The following MFN2 variants were observed in gnomAD, a reference collection of about 807,000 sequenced individuals.
MFN2 encodes the protein mitofusin 2.
MFN2 carries 43 observed loss-of-function variants against 87.5 expected under a neutral mutation model. The observed-to-expected ratio is 0.49, with a 90% confidence interval of 0.38 to 0.63. The LOEUF (loss-of-function observed/expected upper bound fraction) is 0.63, where lower values mean the gene tolerates loss of function less well. Among genes scored for constraint, MFN2 ranks in the 30% least tolerant of loss-of-function variants. The probability of loss-of-function intolerance (pLI) is 0.00; values close to 1 mark genes in which losing one functional copy is unlikely to be tolerated. For missense variants in MFN2, 743 were observed against 972.8 expected (o/e 0.76, Z 3.14); for synonymous variants, 337 against 359.9 (o/e 0.94, Z 0.72).
At chr1:11,985,357 A>G (rs1468526351) in intron 2 of MFN2, among the ~76,000 whole-genome samples, 1 of 152,014 alleles carries the variant, frequency 6.6e-6, no homozygotes, top group African/African-American at 2.4e-5. Context: ...GCTTAAGTTT[A>G]AGCAGCCCAG....
Position 12,004,152 on chromosome 1 carries a change from T to G in MFN2, c.1287+34T>G. On this transcript the variant is annotated intron_variant, in intron 12 of 18. Transcript: ENST00000235329. This position sits in a 1 kb window ranked among gnomAD's most constrained non-coding sequence, Gnocchi z 4.2. ...TGAGGAGGAGGCATTCTGGGAAGAT[T>G]TGGACTCCGAGTAGAGTCCAGAAGA... 6.2e-7 allele frequency: 1 copy of G among 1,613,144 alleles called. No individual in the cohort carries two copies. The highest frequency in any genetic ancestry group is 1.1e-5 in the South Asian group (1 of 91,010).
intron 18 of MFN2, among the ~76,000 whole-genome samples, chr1:12,010,476 T>C (rs1639645412): frequency 6.6e-6 from 1 of 152,128 alleles, no homozygotes; most frequent in South Asian, 2.1e-4. Flanking sequence ...CCCCGCACTC[T>C]GATTCTCCTT....
At chr1:12,009,137 A>C (rs1038435027) in intron 17 of MFN2, among the ~76,000 whole-genome samples, 1 of 152,220 alleles carries the variant, frequency 6.6e-6, no homozygotes, top group African/African-American at 2.4e-5. Flanking sequence ...TGCAGTGAGC[A>C]GAGATGGCGG....
At chr1:12,002,439 A>T (rs1479939386) in intron 11 of MFN2, among the ~76,000 whole-genome samples, 1 of 152,266 alleles carries the variant, frequency 6.6e-6, no homozygotes, top group Non-Finnish European at 1.5e-5. Flanking sequence ...CACACCTGTG[A>T]TCTCAACACT....
chr1:11,998,702 C>A, intron 6 of MFN2, 68 bp from the exon 7 acceptor site: 1 of 1,432,506 alleles, frequency 7.0e-7, no homozygotes, highest in Non-Finnish European at 9.9e-7. Context: ...AGTCCCAGGT[C>A]TGTTCTCAGC....
intron 2 of MFN2, among the ~76,000 whole-genome samples, chr1:11,988,084 T>TGTTTG (rs1553140706): frequency 4.2e-5 from 6 of 144,340 alleles, no homozygotes; most frequent in Non-Finnish European, 9.2e-5. Flanking sequence ...CCAATAGTTT[T>TGTTTG]TGTGTGTGTG....
intron 8 of MFN2, among the ~76,000 whole-genome samples, chr1:11,999,563 G>A (rs1413954020): frequency 6.6e-6 from 1 of 151,954 alleles, no homozygotes. Flanking sequence ...TTGTCATGTT[G>A]CCCACGCTGG....
At chr1:12,007,334 G>A (rs1639470299) in intron 17 of MFN2, 85 bp downstream of exon 17, 5 of 1,519,808 alleles carry the variant, frequency 3.3e-6, no homozygotes, top group Non-Finnish European at 3.6e-6. Flanking sequence ...CTTCCCACGT[G>A]GCCTGGAAGC....
intron 17 of MFN2, among the ~76,000 whole-genome samples, chr1:12,008,426 C>A (rs1258681201): frequency 7.1e-6 from 1 of 140,262 alleles, no homozygotes; most frequent in Non-Finnish European, 1.5e-5. Context: ...GGGGCTGACC[C>A]CCCCCACCTC....
At chr1:11,981,920 G>GTTTTGTTTT (rs763918741) in intron 1 of MFN2, 50 bp from the exon 2 acceptor site, 4 of 138,006 alleles carry the variant, frequency 2.9e-5, no homozygotes, top group African/African-American at 1.1e-4. Context: ...GTACACCAGT[G>GTTTTGTTTT]TTTTTTTTTT....
chr1:12,008,178 T>G (rs1452801072), intron 17 of MFN2, among the ~76,000 whole-genome samples: 1 of 152,192 alleles, frequency 6.6e-6, no homozygotes, highest in Non-Finnish European at 1.5e-5. Context: ...ACAATCTGAT[T>G]TCTCTATCTT....
intron 17 of MFN2, among the ~76,000 whole-genome samples, chr1:12,008,912 T>G (rs1639563257): frequency 6.6e-6 from 1 of 152,196 alleles, no homozygotes; most frequent in Non-Finnish European, 1.5e-5. Context: ...TGGGCAACAT[T>G]GAGCACTGAG....
chr1:11,996,377 G>C, intron 5 of MFN2, 59 bp downstream of exon 5: 1 of 1,605,446 alleles, frequency 6.2e-7, no homozygotes, highest in South Asian at 1.1e-5. Flanking sequence ...GTCCTCCGTT[G>C]TGACACGGCT....
At chr1:12,007,519 G>A (rs1306357579) in intron 17 of MFN2, among the ~76,000 whole-genome samples, 1 of 152,232 alleles carries the variant, frequency 6.6e-6, no homozygotes, top group Non-Finnish European at 1.5e-5. Context: ...TTCCTAGTAG[G>A]AGTTTTAGAG....
rs755024220 is a variant in MFN2, at chr1:11,989,207, A to C, written c.39A>C (p.Thr13=). The change falls in exon 3 of 19, where the codon ACA becomes ACC. Residue 13 remains threonine, a synonymous_variant. Transcript: ENST00000235329. The part of the protein sequence containing the change: ...LLFSRCNSIV[T]VKKNKRHMAE... ...TCTCTCGATGCAACTCTATCGTCAC[A>C]GTCAAGAAAAATAAGAGACACATGG... 1 of 1,614,106 alleles carries C rather than the reference A, an allele frequency of 6.2e-7. No individual in the cohort carries two copies. The highest frequency in any genetic ancestry group is 1.1e-5 in the South Asian group (1 of 91,080).
chr1:12,009,670 C>T lies in MFN2; in HGVS notation c.2148C>T (p.Ala716=). The change falls in exon 18 of 19, where the codon GCC becomes GCT. Residue 716 remains alanine, a synonymous_variant. Transcript: ENST00000235329. ...TRENLEQEIA[A]MNKKIEVLDS... ...AGAACCTGGAGCAGGAAATTGCCGC[C>T]ATGAACAAGAAAATTGAGGTTCTTG... is the stretch of plus-strand genomic sequence containing the variant. 1 of 1,614,202 alleles carries T rather than the reference C, an allele frequency of 6.2e-7. No homozygotes were observed. The highest frequency in any genetic ancestry group is 8.5e-7 in the Non-Finnish European group (1 of 1,180,042).
At chr1:11,981,030 C>T (rs1645974230) in intron 1 of MFN2, among the ~76,000 whole-genome samples, 1 of 152,228 alleles carries the variant, frequency 6.6e-6, no homozygotes, top group Admixed American at 6.5e-5. Flanking sequence ...GAAGGCAGAA[C>T]TGCCCGTTAC....
Position 12,005,814 on chromosome 1 carries a change from G to C in MFN2, c.1599G>C (p.Leu533=), listed in dbSNP as rs770319997. ...SLNYDLNCDK[L]CADFQEDIEF... ...ACTATGACCTAAACTGTGACAAGCTGTGTGCTGACTTCCAGGAAGACATTG... is the reference window on the plus strand; with the variant it reads ...ACTATGACCTAAACTGTGACAAGCTCTGTGCTGACTTCCAGGAAGACATTG... The change falls in exon 15 of 19, where the codon CTG becomes CTC. Residue 533 remains leucine, a synonymous_variant. Transcript: ENST00000235329. 1 of 1,614,200 alleles carries C rather than the reference G, an allele frequency of 6.2e-7. No homozygotes were observed. Among genetic ancestry groups the C allele is most frequent in the Admixed American group, 1.7e-5 (1 of 60,022 alleles).
In MFN2 at chr1:12,007,168, G is replaced by T. The variant is rs766735605; in HGVS notation, c.1988G>T (p.Arg663Leu). The change falls in exon 17 of 19, where the codon CGC becomes CTC. Residue 663 changes from arginine (R) to leucine (L), a missense_variant. By Grantham distance (102) the Arg-to-Leu change is moderately radical. This residue lies in a region of MFN2 where 571 missense variants were observed against 670.7 expected (regional missense o/e 0.85). Coordinates refer to ENST00000235329, the MANE Select transcript of MFN2 (RefSeq NM_014874.4). ...TTKAKERAFK[R>L]QFVEHASEKL... ...AAGGCCAAGGAGAGGGCCTTCAAGC[G>T]CCAGTTTGTGGAGCATGCCAGCGAG... The T allele has an allele frequency of 4.0e-5, 64 of 1,614,040 alleles. No homozygotes were observed. Among genetic ancestry groups the T allele is most frequent in the Non-Finnish European group, 5.3e-5 (63 of 1,180,030 alleles).
Sources: gnomAD v4.1 joint callset for allele counts (sites outside exome capture counted in the v4.1 genomes callset) on GRCh38, gnomAD v4.1.1 for gene constraint, gnomAD v4.1.1 regional missense constraint, Gnocchi (gnomAD v3.1) non-coding constraint, MANE v1.5 for transcripts, NCBI Gene and HGNC (gene_info 2026-07-23, HGNC 2026-07-21) for gene names.